The following SLC13A1 variants were observed in gnomAD, a reference collection of about 807,000 sequenced individuals.
SLC13A1 encodes Na(+)/sulfate cotransporter.
Under a neutral mutation model 70.0 loss-of-function variants are expected in SLC13A1, and 65 were observed. The ratio of observed to expected loss-of-function variants is 0.93; its 90% CI spans 0.76 to 1.14. The LOEUF is 1.14. SLC13A1 is among the 50% of genes most tolerant of loss of function. SLC13A1 has a pLI of 0.00. For synonymous variants in SLC13A1, 275 were observed against 250.5 expected (o/e 1.10, Z -0.92); for missense variants, 726 against 717.8 (o/e 1.01, Z -0.13).
chr7:123,117,613 T>C lies in SLC13A1; in HGVS notation c.1513-5A>G, dbSNP rs1278766133. ...GTTCACATGAATGGCTTCGGCCTGTTGTAAGAGATAAAAAAGAGTCTAAGT... is the reference window on the plus strand; with the variant it reads ...GTTCACATGAATGGCTTCGGCCTGTCGTAAGAGATAAAAAAGAGTCTAAGT... On this transcript the variant is annotated splice_polypyrimidine_tract_variant and splice_region_variant and intron_variant, in intron 13 of 14. Coordinates refer to ENST00000194130, the MANE Select transcript of SLC13A1 (RefSeq NM_022444.4). 2 of 1,574,420 alleles carry C rather than the reference T, an allele frequency of 1.3e-6. No individual in the cohort carries two copies. Among genetic ancestry groups the C allele is most frequent in the Non-Finnish European group, 1.7e-6 (2 of 1,158,824 alleles).
chr7:123,136,282 G>A (rs1226427635), intron 7 of SLC13A1, among the ~76,000 whole-genome samples: 1 of 152,282 alleles, frequency 6.6e-6, no homozygotes, highest in East Asian at 1.9e-4. Flanking sequence ...AAAAATGAAA[G>A]CCTGAAAAAG....
At chr7:123,131,946 G>C (rs1370261495) in intron 8 of SLC13A1, among the ~76,000 whole-genome samples, 1 of 152,114 alleles carries the variant, frequency 6.6e-6, no homozygotes, top group African/African-American at 2.4e-5. Context: ...GACAATGGTT[G>C]CATATATGTT....
intron 6 of SLC13A1, 80 bp downstream of exon 6, chr7:123,168,294 T>G (rs1585367374): frequency 1.1e-4 from 101 of 919,822 alleles, no homozygotes; most frequent in East Asian, 7.9e-5. Flanking sequence ...AAGTGGCAGG[T>G]TTTAAAATGC....
chr7:123,166,779 T>C (rs1795092364), intron 6 of SLC13A1, among the ~76,000 whole-genome samples: 1 of 152,188 alleles, frequency 6.6e-6, no homozygotes. Context: ...ATTTTCTTAA[T>C]CCAGTCTATC....
intron 2 of SLC13A1, 81 bp downstream of exon 2, chr7:123,180,892 T>C: frequency 6.9e-7 from 1 of 1,450,652 alleles, no homozygotes; most frequent in Non-Finnish European, 9.4e-7. Flanking sequence ...AGATGATTGC[T>C]CCCTTTAAAA....
At chr7:123,188,911 C>G (rs942639081) in intron 1 of SLC13A1, among the ~76,000 whole-genome samples, 5 of 151,360 alleles carry the variant, frequency 3.3e-5, no homozygotes, top group Admixed American at 1.3e-4. Flanking sequence ...GTCAGGAGAT[C>G]GAGACCATCC....
intron 6 of SLC13A1, among the ~76,000 whole-genome samples, chr7:123,152,763 C>T (rs1364829377): frequency 1.3e-5 from 2 of 151,996 alleles, no homozygotes; most frequent in African/African-American, 4.8e-5. Flanking sequence ...CTCCCTTTCC[C>T]TTATATTTTA....
At chr7:123,177,372 T>C (rs1196498026) in intron 2 of SLC13A1, among the ~76,000 whole-genome samples, 1 of 152,178 alleles carries the variant, frequency 6.6e-6, no homozygotes, top group Non-Finnish European at 1.5e-5. Flanking sequence ...CCTACCTGTC[T>C]CTTTCTTTCT....
At position 123,115,673 on chromosome 7, in the gene SLC13A1, A is replaced by G; in HGVS notation, c.1651-18T>C. Reference sequence around the variant, plus strand: ...GCTTTAACCTTGAACAGGAAAGAGCATAAATGTCAGTGTCCCAGAAGAAAG... The same window carrying G: ...GCTTTAACCTTGAACAGGAAAGAGCGTAAATGTCAGTGTCCCAGAAGAAAG... On this transcript the variant is annotated intron_variant, in intron 14 of 14. Transcript: ENST00000194130. 2 of 1,612,524 alleles carry G rather than the reference A, an allele frequency of 1.2e-6. No homozygotes were observed. The highest frequency in any genetic ancestry group is 1.7e-6 in the Non-Finnish European group (2 of 1,178,982).
At chr7:123,179,457 T>C (rs1431671637) in intron 2 of SLC13A1, among the ~76,000 whole-genome samples, 1 of 152,172 alleles carries the variant, frequency 6.6e-6, no homozygotes, top group Non-Finnish European at 1.5e-5. Context: ...CTTTCAAGTC[T>C]AAGATTCTAT....
At chr7:123,194,180 G>A (rs1796094982) in intron 1 of SLC13A1, among the ~76,000 whole-genome samples, 1 of 152,098 alleles carries the variant, frequency 6.6e-6, no homozygotes, top group Non-Finnish European at 1.5e-5. Flanking sequence ...AGAGGCCAAT[G>A]TATCCATGAT....
intron 6 of SLC13A1, among the ~76,000 whole-genome samples, chr7:123,161,054 A>G (rs1794877347): frequency 6.6e-6 from 1 of 151,798 alleles, no homozygotes; most frequent in South Asian, 2.1e-4. Flanking sequence ...TAATAAAGAA[A>G]ACTATTAAAA....
Position 123,171,796 on chromosome 7 carries a change from C to G in SLC13A1, c.337G>C (p.Val113Leu). 1 of 1,613,936 alleles carries G rather than the reference C, an allele frequency of 6.2e-7. No homozygotes were observed. The highest frequency in any genetic ancestry group is 8.5e-7 in the Non-Finnish European group (1 of 1,179,918). ...GCAGGATTTACACCAACCATCATCA[C>G]CATTTTCAGAGCAATTCTCTTGTGC... ...NLHKRIALKM[V>L]MMVGVNPAWL... Residue 113 changes from valine (V) to leucine (L), a missense_variant, in exon 3 of 15, where the codon GTG becomes CTG. Coordinates refer to ENST00000194130, the MANE Select transcript of SLC13A1 (RefSeq NM_022444.4).
At position 123,140,798 on chromosome 7, in the gene SLC13A1, AT is replaced by A. The variant is rs142824517; in HGVS notation, c.813-6270del. On this transcript the variant is annotated intron_variant, in intron 7 of 14. Transcript: ENST00000194130. ...TCCTTTTTCATCTCTGATTTTAAAT[AT>A]TTGGATCTTTTCTCTTGCTTTCTTA... Among the ~76,000 whole-genome samples the A allele has an allele frequency of 7.1e-3, 1,084 of 152,114 alleles. 13 individuals carry two copies. Among genetic ancestry groups the A allele is most frequent in the African/African-American group, 0.025 (1,035 of 41,532 alleles).
At chr7:123,144,395 A>G (rs921273341) in intron 7 of SLC13A1, among the ~76,000 whole-genome samples, 1 of 152,208 alleles carries the variant, frequency 6.6e-6, no homozygotes, top group African/African-American at 2.4e-5. Flanking sequence ...AAATGAGCAG[A>G]TGAGCTAAGC....
chr7:123,187,382 A>T (rs1795838938), intron 1 of SLC13A1, among the ~76,000 whole-genome samples: 3 of 152,242 alleles, frequency 2.0e-5, no homozygotes. Flanking sequence ...AATATTTAGA[A>T]CATAGTAAAA....
chr7:123,158,295 G>A (rs1794779693), intron 6 of SLC13A1, among the ~76,000 whole-genome samples: 1 of 151,844 alleles, frequency 6.6e-6, no homozygotes, highest in Admixed American at 6.6e-5. Context: ...GATTATAAAA[G>A]TTACAGGCAA....
intron 1 of SLC13A1, among the ~76,000 whole-genome samples, chr7:123,185,874 C>G (rs1795780610): frequency 6.6e-6 from 1 of 152,070 alleles, no homozygotes; most frequent in Non-Finnish European, 1.5e-5. Flanking sequence ...TTTCCTTTCT[C>G]ATTAGTATTT....
At chr7:123,184,239 T>C (rs185615358) in intron 1 of SLC13A1, among the ~76,000 whole-genome samples, 1 of 152,304 alleles carries the variant, frequency 6.6e-6, no homozygotes, top group East Asian at 1.9e-4. Flanking sequence ...GTCTAGCTAA[T>C]TAATATGTGC....
Sources: gnomAD v4.1 joint callset for allele counts (sites outside exome capture counted in the v4.1 genomes callset) on GRCh38, gnomAD v4.1.1 for gene constraint, MANE v1.5 for transcripts, NCBI Gene and HGNC (gene_info 2026-07-23, HGNC 2026-07-21) for gene names.